Variants in GLYR1 observed in about 807,000 individuals in gnomAD.
GLYR1 encodes glyoxylate reductase 1 homolog, also known as cytokine-like nuclear factor N-PAC.
Under a neutral mutation model 72.7 loss-of-function variants are expected in GLYR1, and 21 were observed. The ratio of observed to expected loss-of-function variants is 0.29; its 90% CI spans 0.20 to 0.42. GLYR1 has a LOEUF of 0.42. Ranked by LOEUF, GLYR1 falls within the 10% of genes least tolerant of loss-of-function variation. The pLI is 1.00. For missense variants in GLYR1, 594 were observed against 712.1 expected, an observed-to-expected ratio of 0.83 and a Z score of 1.89; for synonymous variants, 392 against 270.2, an observed-to-expected ratio of 1.45 and a Z score of -4.42.
intron 5 of GLYR1, among the ~76,000 whole-genome samples, chr16:4,825,955 T>C (rs1023772938): frequency 2.6e-5 from 4 of 152,298 alleles, no homozygotes; most frequent in East Asian, 3.9e-4. Context: ...CCCAGCCCTA[T>C]TATAATCTTC....
intron 1 of GLYR1, 101 bp from the exon 2 acceptor site, chr16:4,846,311 T>TTTGAGGATG: frequency 1.5e-6 from 2 of 1,326,848 alleles, no homozygotes; most frequent in Non-Finnish European, 2.2e-6. Context: ...TCTGCTGGCA[T>TTTGAGGATG]CCTCAAATGC....
intron 15 of GLYR1, among the ~76,000 whole-genome samples, chr16:4,810,561 C>T (rs920589497): frequency 6.7e-6 from 1 of 148,300 alleles, no homozygotes; most frequent in African/African-American, 2.5e-5. Context: ...GGGAAGGAAA[C>T]GATAAAAGAA....
chr16:4,824,032 G>T, intron 5 of GLYR1, 125 bp from the exon 6 acceptor site: 1 of 658,960 alleles, frequency 1.5e-6, no homozygotes. Flanking sequence ...ACCGTCCCTC[G>T]GGAGAAACAA....
rs1215617427 is a variant in GLYR1 at position 4,831,875 on chromosome 16, G to A, written c.537+104C>T. On this transcript the variant is annotated intron_variant, in intron 5 of 15. Transcript: ENST00000321919. Reference sequence around the variant, plus strand: ...ACAGAATTCTGCTCCCACTCCATGAGCAGAGTATAGATAAGCATACTACAT... The same window carrying A: ...ACAGAATTCTGCTCCCACTCCATGAACAGAGTATAGATAAGCATACTACAT... 4 of 1,463,520 alleles carry A rather than the reference G, an allele frequency of 2.7e-6. No homozygotes were observed. In the African/African-American group the frequency reaches 5.7e-5, roughly 21 times the overall value. The allele number at this position is 1,463,520 out of a possible 1,614,324, so 90.7% of individuals were successfully genotyped here.
chr16:4,812,368 G>A (rs1331973119), intron 12 of GLYR1, 120 bp from the exon 13 acceptor site: 4 of 1,076,734 alleles, frequency 3.7e-6, no homozygotes, highest in Non-Finnish European at 5.2e-6. Context: ...TGGAGGGGAC[G>A]GCCACCCATA....
chr16:4,831,683 T>G, intron 5 of GLYR1, among the ~76,000 whole-genome samples: 1 of 152,336 alleles, frequency 6.6e-6, no homozygotes, highest in East Asian at 1.9e-4. Flanking sequence ...TTTTAATTTT[T>G]TAAATAAGAT....
At chr16:4,819,343 TG>T (rs2083863125) in intron 9 of GLYR1, among the ~76,000 whole-genome samples, 1 of 152,120 alleles carries the variant, frequency 6.6e-6, no homozygotes, top group East Asian at 1.9e-4. Context: ...AGCATTATGC[TG>T]TCTCCCAGGC....
At chr16:4,814,087 C>T (rs1039252092) in intron 11 of GLYR1, 3 of 390,384 alleles carry the variant, frequency 7.7e-6, no homozygotes, top group Admixed American at 4.1e-5. Flanking sequence ...AAACAAACCC[C>T]ATTTAAAAGA....
At chr16:4,846,053 T>C (rs1567841497) in intron 2 of GLYR1, 121 bp downstream of exon 2, 2 of 1,053,142 alleles carry the variant, frequency 1.9e-6, no homozygotes, top group Non-Finnish European at 1.5e-6. Context: ...AAAAAAATTC[T>C]AAGTGCCATC....
Position 4,830,696 on chromosome 16 carries a change from T to A in GLYR1, c.537+1283A>T, listed in dbSNP as rs543205264. ...GCTGTTGACAATCCTACCGCGTTCC[T>A]GACACAGTCCCCTTCACTTTGAAAT... On this transcript the variant is annotated intron_variant, in intron 5 of 15. Coordinates refer to ENST00000321919, the MANE Select transcript of GLYR1 (RefSeq NM_032569.4). Among the ~76,000 whole-genome samples, 6 of 152,320 alleles carry A rather than the reference T, an allele frequency of 3.9e-5. No homozygotes were observed. In the South Asian group the frequency reaches 1.2e-3, roughly 32 times the overall value.
At chr16:4,815,955 G>A (rs1462364472) in intron 10 of GLYR1, among the ~76,000 whole-genome samples, 2 of 151,702 alleles carry the variant, frequency 1.3e-5, no homozygotes, top group Non-Finnish European at 2.9e-5. Context: ...CTAATTTTTC[G>A]TATTTTTAGT....
At chr16:4,836,914 T>G (rs537357384) in intron 3 of GLYR1, among the ~76,000 whole-genome samples, 48 of 152,192 alleles carry the variant, frequency 3.2e-4, no homozygotes, top group Non-Finnish European at 2.1e-4. Context: ...ACTTCCTGGT[T>G]TGCAGGTTTG....
intron 10 of GLYR1, among the ~76,000 whole-genome samples, chr16:4,816,784 G>A (rs1175513846): frequency 6.6e-6 from 1 of 152,028 alleles, no homozygotes. Context: ...TCAGAAGTTC[G>A]AGACCAGCCT....
chr16:4,814,421 A>C (rs2083499009), intron 11 of GLYR1, 116 bp downstream of exon 11: 2 of 771,594 alleles, frequency 2.6e-6, no homozygotes, highest in Non-Finnish European at 2.3e-6. Flanking sequence ...CCCTGATGGG[A>C]AATTCAGCCC....
chr16:4,808,838 C>T (rs75928264), intron 15 of GLYR1, among the ~76,000 whole-genome samples: 8,368 of 151,806 alleles, frequency 0.055, 214 homozygotes, highest in Middle Eastern at 0.078. Flanking sequence ...CAGTTGTGCA[C>T]GCCTATAGTC....
At chr16:4,827,868 G>A (rs906997648) in intron 5 of GLYR1, among the ~76,000 whole-genome samples, 3 of 151,686 alleles carry the variant, frequency 2.0e-5, no homozygotes, top group Non-Finnish European at 4.4e-5. Context: ...CCACTGCACC[G>A]CAGCCTGGGC....
At chr16:4,826,894 G>A (rs1214499487) in intron 5 of GLYR1, among the ~76,000 whole-genome samples, 2 of 152,220 alleles carry the variant, frequency 1.3e-5, no homozygotes. Flanking sequence ...AAACAAGGAG[G>A]AGGCAGCTTG....
chr16:4,843,244 T>C (rs2085695762), intron 3 of GLYR1, among the ~76,000 whole-genome samples: 1 of 152,214 alleles, frequency 6.6e-6, no homozygotes, highest in Non-Finnish European at 1.5e-5. Context: ...AATCTCTGCC[T>C]CCTGGGTTCA....
intron 10 of GLYR1, among the ~76,000 whole-genome samples, chr16:4,816,384 C>T (rs1237863843): frequency 6.6e-6 from 1 of 152,106 alleles, no homozygotes; most frequent in Non-Finnish European, 1.5e-5. Context: ...CTCAAGCAAT[C>T]CTCTTCCCTC....
Sources: gnomAD v4.1 joint callset for allele counts (sites outside exome capture counted in the v4.1 genomes callset) on GRCh38, gnomAD v4.1.1 for gene constraint, MANE v1.5 for transcripts, NCBI Gene and HGNC (gene_info 2026-07-23, HGNC 2026-07-21) for gene names.